Variants in KIF24 observed in about 807,000 individuals in gnomAD.
The protein encoded by KIF24 is kinesin-like protein KIF24.
In KIF24, 81 loss-of-function variants were observed where a neutral mutation model predicts 118.9. The observed-to-expected ratio is 0.68, with a 90% CI of 0.57 to 0.82. KIF24 has a LOEUF of 0.82. Among genes scored for constraint, KIF24 ranks in the 40% least tolerant of loss-of-function variants. The pLI is 0.00. For missense variants in KIF24, 1,560 were observed against 1,661.6 expected, an observed-to-expected ratio of 0.94 and a Z score of 1.06; for synonymous variants, 599 against 610.0, an observed-to-expected ratio of 0.98 and a Z score of 0.27.
At chr9:34,258,657 A>C (rs548486205) in intron 10 of KIF24, among the ~76,000 whole-genome samples, 1 of 152,290 alleles carries the variant, frequency 6.6e-6, no homozygotes, top group African/African-American at 2.4e-5. Flanking sequence ...AGGCCAACTC[A>C]GGAGTTCGTG....
At chr9:34,333,249 G>T (rs778328837), upstream of KIF24, among the ~76,000 whole-genome samples, 9 of 151,912 alleles carry the variant, frequency 5.9e-5, no homozygotes, top group Non-Finnish European at 1.0e-4. Context: ...TAACATCTAC[G>T]GCCCTCTCCC....
chr9:34,306,229 AAC>A, intron 3 of KIF24, 21 bp downstream of exon 3: 1 of 1,525,962 alleles, frequency 6.6e-7, no homozygotes, highest in Non-Finnish European at 8.9e-7. Flanking sequence ...ATTAGTTCCA[AAC>A]ATAAAACGAA....
At position 34,290,352 on chromosome 9, in the gene KIF24, C is replaced by T; in HGVS notation, c.949G>A (p.Ala317Thr). 6.2e-7 allele frequency: 1 copy of T among 1,613,030 alleles called. No individual in the cohort carries two copies. Among genetic ancestry groups the T allele is most frequent in the Non-Finnish European group, 8.5e-7 (1 of 1,179,320 alleles). The change falls in exon 5 of 13, where the codon GCT becomes ACT. Residue 317 changes from alanine (A) to threonine (T), a missense_variant. Ala to Thr is a moderately conservative substitution (Grantham distance 58). Coordinates refer to ENST00000402558, the MANE Select transcript of KIF24 (RefSeq NM_194313.4). ...CCTATCATGGTGTAGGTCTTTCCAG[C>T]ACCTGTCTGTCCATAAGCAAAGCAA... ...ATCFAYGQTG[A>T]GKTYTMIGTH...
At chr9:34,311,730 A>ATATATGTG in intron 1 of KIF24, among the ~76,000 whole-genome samples, 1 of 147,260 alleles carries the variant, frequency 6.8e-6, no homozygotes, top group South Asian at 2.1e-4. Flanking sequence ...ATATACACGT[A>ATATATGTG]TATATATACA....
chr9:34,255,182 G>C lies in KIF24; in HGVS notation c.3873-17C>G. 2 of 1,475,404 alleles carry C rather than the reference G, an allele frequency of 1.4e-6. No homozygotes were observed. The highest frequency in any genetic ancestry group is 9.3e-7 in the Non-Finnish European group (1 of 1,073,332). 91.4% of individuals were successfully genotyped at this position (1,475,404 alleles called of 1,614,324 possible). On this transcript the variant is annotated splice_polypyrimidine_tract_variant and intron_variant, in intron 11 of 12. Coordinates refer to ENST00000402558, the MANE Select transcript of KIF24 (RefSeq NM_194313.4). ...ACCACCTGCCTGGGAACACCAGAGA[G>C]AACACTGTGATCTTCCTGGCCTCCC...
intron 6 of KIF24, among the ~76,000 whole-genome samples, chr9:34,285,095 G>T (rs1331641907): frequency 6.6e-6 from 1 of 152,134 alleles, no homozygotes; most frequent in African/African-American, 2.4e-5. Flanking sequence ...GGTATGTATA[G>T]TAAGTTAGAG....
rs370127015 is a variant in KIF24, at chr9:34,290,378, G to C, written c.923C>G (p.Thr308Ser). 6.2e-7 allele frequency: 1 copy of C among 1,606,440 alleles called. No individual in the cohort carries two copies. Among genetic ancestry groups the C allele is most frequent in the Non-Finnish European group, 8.5e-7 (1 of 1,173,466 alleles). Residue 308 changes from threonine to serine, a missense_variant, in exon 5 of 13, where the codon ACT becomes AGT. Physicochemically the swap from Thr to Ser is moderately conservative, Grantham distance 58 (BLOSUM62 1). Transcript: ENST00000402558. ...IQHIFNGGNATCFAYGQTGAG... is the reference protein window; with the variant it reads ...IQHIFNGGNASCFAYGQTGAG... ...ACCTGTCTGTCCATAAGCAAAGCAA[G>C]TGGCATTGCCTCTGGGGAAAGGATA...
upstream of KIF24, among the ~76,000 whole-genome samples, chr9:34,331,884 TTGGCTTATGAAACATCTC>T (rs1306990063): frequency 7.2e-5 from 11 of 152,212 alleles, no homozygotes; most frequent in Admixed American, 2.0e-4. Flanking sequence ...TCTCTTTCCC[TTGGCTTATGAAACATCTC>T]TCTGTCCCTT....
chr9:34,290,260 G>C lies in KIF24; in HGVS notation c.1041C>G (p.Ser347=), dbSNP rs769462904. The change falls in exon 5 of 13, where the codon TCC becomes TCG. Residue 347 remains serine, a synonymous_variant. Transcript: ENST00000402558. ...AKDIFRQLEV[S]QPRKHLFVWI... is the part of the protein sequence containing the mutation. Reference sequence around the variant, plus strand: ...ACACAAAGAGGTGCTTTCTTGGCTGGGACACTTCTAGTTGCCTGAAGATAT... The same window carrying C: ...ACACAAAGAGGTGCTTTCTTGGCTGCGACACTTCTAGTTGCCTGAAGATAT... 1.2e-6 allele frequency: 2 copies of C among 1,613,738 alleles called. No homozygotes were observed. The highest frequency in any genetic ancestry group is 1.7e-5 in the Admixed American group (1 of 59,988).
In KIF24 at chr9:34,318,819, C is replaced by T; in HGVS notation, c.-25-7448G>A. ...TGCAGTCGCCTGTAGGGACCCAGCT[C>T]AGTGAGTTTCGCTGATGACTTCGTG... is the stretch of plus-strand genomic sequence containing the variant. On this transcript the variant is annotated intron_variant, in intron 1 of 12. Coordinates refer to ENST00000402558, the MANE Select transcript of KIF24 (RefSeq NM_194313.4). The surrounding 1 kb of genome is among the most constrained non-coding windows in gnomAD (Gnocchi z 4.9). 1 of 1,582,482 alleles carries T rather than the reference C, an allele frequency of 6.3e-7. No individual in the cohort carries two copies. The highest frequency in any genetic ancestry group is 8.7e-7 in the Non-Finnish European group (1 of 1,153,124).
At position 34,318,909 on chromosome 9, in the gene KIF24, C is replaced by T. The variant is rs1026231795; in HGVS notation, c.-25-7538G>A. 2.6e-5 allele frequency: 41 copies of T among 1,583,082 alleles called. No homozygotes were observed. The Admixed American group carries it at 4.5e-4, about 17-fold the overall frequency. ...ATCAATTTCCATGACAAGCGCAGTG[C>T]GCTGCAGTCCATCCACGAGTGGGCC... is the stretch of plus-strand genomic sequence containing the variant. On this transcript the variant is annotated intron_variant, in intron 1 of 12. Transcript: ENST00000402558. The surrounding 1 kb of genome is among the most constrained non-coding windows in gnomAD (Gnocchi z 4.9).
At chr9:34,267,452 C>CA (rs940558231) in intron 8 of KIF24, among the ~76,000 whole-genome samples, 3 of 151,714 alleles carry the variant, frequency 2.0e-5, no homozygotes, top group African/African-American at 7.3e-5. Context: ...TTGTTTTTGC[C>CA]AAAAAATATA....
At chr9:34,266,183 G>A (rs1406633012) in intron 8 of KIF24, among the ~76,000 whole-genome samples, 1 of 151,708 alleles carries the variant, frequency 6.6e-6, no homozygotes, top group Admixed American at 6.6e-5. Context: ...GTGAGCCACT[G>A]GGCCTGGCCT....
Position 34,306,369 on chromosome 9 carries a change from G to T in KIF24, c.696C>A (p.Pro232=), listed in dbSNP as rs1836918303. The T allele has an allele frequency of 6.2e-7, 1 of 1,612,354 alleles. No individual in the cohort carries two copies. Among genetic ancestry groups the T allele is most frequent in the Admixed American group, 1.7e-5 (1 of 59,912 alleles). The change falls in exon 3 of 13, where the codon CCC becomes CCA. Residue 232 remains proline, a synonymous_variant. Transcript: ENST00000402558. ...EKIRVCVRKR[P]LGMREVRRGE... is the part of the protein sequence containing the mutation. ...CACGACGTACCTCCCTCATGCCCAG[G>T]GGGCGTTTTCGAACACAAACTCTGA... is the stretch of plus-strand genomic sequence containing the variant.
At position 34,254,461 on chromosome 9, in the gene KIF24, G is replaced by C. The variant is rs542826550; in HGVS notation, c.4026C>G (p.Ile1342Met). The change falls in exon 13 of 13, where the codon ATC becomes ATG. Residue 1342 changes from isoleucine to methionine, a missense_variant. This residue lies in a region of KIF24 where 591 missense variants were observed against 655.6 expected (regional missense o/e 0.90). Coordinates refer to ENST00000402558, the MANE Select transcript of KIF24 (RefSeq NM_194313.4). ...GCTGCAGCTGGCTCCTCAGACTCTG[G>C]ATACACTTGGATTTCAGAACCATGA... ...DEIMVLKSKC[I>M]QSLRSQLQLY... The C allele has an allele frequency of 7.4e-6, 12 of 1,613,898 alleles. No individual in the cohort carries two copies. The South Asian group carries it at 1.3e-4, about 18-fold the overall frequency.
At chr9:34,312,534 T>C (rs2131817435) in intron 1 of KIF24, among the ~76,000 whole-genome samples, 1 of 152,362 alleles carries the variant, frequency 6.6e-6, no homozygotes, top group South Asian at 2.1e-4. Context: ...CGTTTTAATT[T>C]CTATTTCATC....
intron 6 of KIF24, among the ~76,000 whole-genome samples, chr9:34,273,551 C>T (rs1418529236): frequency 2.6e-5 from 1 of 38,938 alleles, no homozygotes; most frequent in Non-Finnish European, 5.3e-5. Context: ...TCATCCCCAC[C>T]CTGTGCAGGA....
chr9:34,306,972 CAACA>C (rs1449405252), intron 2 of KIF24, among the ~76,000 whole-genome samples: 4 of 151,938 alleles, frequency 2.6e-5, no homozygotes, highest in Non-Finnish European at 4.4e-5. Flanking sequence ...AAAAACCAAC[CAACA>C]AACAAAAAAC....
chr9:34,311,042 G>C lies in KIF24; in HGVS notation c.305C>G (p.Ser102Cys), dbSNP rs368653412. ...SGPRRQLNFD[S>C]PADNKDRNAS... ...ATTTCTGTCTTTATTGTCAGCAGGAGAATCAAAATTCAGCTGTCTGCGAGG... is the reference window on the plus strand; with the variant it reads ...ATTTCTGTCTTTATTGTCAGCAGGACAATCAAAATTCAGCTGTCTGCGAGG... Residue 102 changes from serine (S) to cysteine (C), a missense_variant, in exon 2 of 13, where the codon TCT becomes TGT. Ser to Cys is a moderately radical substitution (Grantham distance 112). This residue lies in a region of KIF24 where 964 missense variants were observed against 988.0 expected (regional missense o/e 0.98). Transcript: ENST00000402558. 3 of 1,613,870 alleles carry C rather than the reference G, an allele frequency of 1.9e-6. No homozygotes were observed. The highest frequency in any genetic ancestry group is 2.5e-6 in the Non-Finnish European group (3 of 1,179,790).
Sources: gnomAD v4.1 joint callset for allele counts (sites outside exome capture counted in the v4.1 genomes callset) on GRCh38, gnomAD v4.1.1 for gene constraint, gnomAD v4.1.1 regional missense constraint, Gnocchi (gnomAD v3.1) non-coding constraint, MANE v1.5 for transcripts, NCBI Gene and HGNC (gene_info 2026-07-23, HGNC 2026-07-21) for gene names.